The following KRT86 variants were observed in gnomAD, a reference collection of about 807,000 sequenced individuals.
KRT86 encodes the protein keratin 86.
A neutral mutation model predicts 41.2 loss-of-function variants in KRT86; 30 were observed. The observed-to-expected ratio is 0.73, with a 90% confidence interval of 0.54 to 0.99. The LOEUF is 0.99. KRT86 is among the 50% of genes least tolerant of loss of function. KRT86 has a pLI of 0.00. For synonymous variants in KRT86, 238 were observed against 238.1 expected (o/e 1.00, Z 0.00); for missense variants, 561 against 571.4 (o/e 0.98, Z 0.19).
At chr12:52,288,427 T>C (rs778637855) in intron 2 of KRT86, 1 of 1,614,190 alleles carries the variant, frequency 6.2e-7, no homozygotes, top group South Asian at 1.1e-5. Flanking sequence ...CCTCCAGGTC[T>C]GACTTGCGGA....
At chr12:52,288,250 C>G (rs1002143505) in intron 2 of KRT86, 1 of 1,598,874 alleles carries the variant, frequency 6.3e-7, no homozygotes, top group Non-Finnish European at 8.6e-7. Flanking sequence ...ACCCTGCCCC[C>G]TCACACAGCC....
chr12:52,306,034 T>G (rs371574773), intron 8 of KRT86, 26 bp from the exon 9 acceptor site: 34 of 1,613,212 alleles, frequency 2.1e-5, no homozygotes, highest in Non-Finnish European at 2.7e-5. Context: ...GACTCTAATC[T>G]ACCTTGTTCT....
intron 2 of KRT86, among the ~76,000 whole-genome samples, chr12:52,284,636 A>G (rs1937868116): frequency 6.6e-6 from 1 of 152,210 alleles, no homozygotes; most frequent in Admixed American, 6.5e-5. Flanking sequence ...TCTAGCTTTT[A>G]CAGGAGAATT....
At chr12:52,297,720 C>G (rs1237427406) in intron 2 of KRT86, among the ~76,000 whole-genome samples, 1 of 152,194 alleles carries the variant, frequency 6.6e-6, no homozygotes, top group Non-Finnish European at 1.5e-5. Flanking sequence ...TAAGAAGTGT[C>G]TTTCTTTTAC....
intron 8 of KRT86, 98 bp downstream of exon 8, chr12:52,305,886 A>G: frequency 6.2e-7 from 1 of 1,606,534 alleles, no homozygotes; most frequent in Non-Finnish European, 8.5e-7. Flanking sequence ...TTCATTCTCC[A>G]GCCCCTCTGT....
chr12:52,278,070 C>T (rs558530890), intron 2 of KRT86, among the ~76,000 whole-genome samples: 78 of 152,238 alleles, frequency 5.1e-4, no homozygotes, highest in African/African-American at 1.8e-3. Flanking sequence ...CTCAACTCTG[C>T]CCCTCTCCCC....
chr12:52,275,620 T>C (rs1257295337), intron 1 of KRT86, among the ~76,000 whole-genome samples: 1 of 152,214 alleles, frequency 6.6e-6, no homozygotes, highest in East Asian at 1.9e-4. Context: ...TGGCATCTTC[T>C]GGCCCCATGG....
At chr12:52,287,987 G>C in intron 2 of KRT86, 1 of 1,614,174 alleles carries the variant, frequency 6.2e-7, no homozygotes, top group Non-Finnish European at 8.5e-7. Context: ...CACTCACCTT[G>C]CTGCGGTACC....
intron 2 of KRT86, chr12:52,277,699 G>A (rs114168191): frequency 0.017 from 2,539 of 153,308 alleles, 79 homozygotes; most frequent in African/African-American, 0.058. Flanking sequence ...ATTGCTGCCT[G>A]CCACAAGCTG....
In KRT86 at chr12:52,306,201, C is replaced by T. The variant is rs1172967272; in HGVS notation, c.1168C>T (p.Gln390Ter). ...CATGGCCTGCCTGATCAGGGAGTAC[C>T]AGGAGGTGATGAACTCCAAGCTGGG... ...QDMACLIREY[Q>*]EVMNSKLGLD... The change falls in exon 9 of 11, where the codon CAG becomes TAG. Residue 390 changes from glutamine (Q) to a stop codon, truncating the protein, a stop_gained. Coordinates refer to ENST00000423955, the MANE Select transcript of KRT86 (RefSeq NM_001320198.2). LOFTEE classifies it high-confidence loss of function. The T allele has an allele frequency of 6.2e-7, 1 of 1,613,798 alleles. No individual in the cohort carries two copies. The highest frequency in any genetic ancestry group is 8.5e-7 in the Non-Finnish European group (1 of 1,180,014).
chr12:52,275,224 T>C (rs779240788), intron 1 of KRT86: 8 of 152,136 alleles, frequency 5.3e-5, no homozygotes, highest in Admixed American at 4.6e-4. Context: ...TATTCGTGTA[T>C]TGAATGCACA....
At chr12:52,279,356 C>A (rs1451441651) in intron 2 of KRT86, among the ~76,000 whole-genome samples, 1 of 152,210 alleles carries the variant, frequency 6.6e-6, no homozygotes, top group East Asian at 1.9e-4. Flanking sequence ...CCTCCCACAC[C>A]GGGACGTGAG....
In KRT86 at chr12:52,306,133, A is replaced by G; in HGVS notation, c.1100A>G (p.Lys367Arg). The stretch of plus-strand genomic sequence containing the variant: ...GCGGCCCTCAGCGATGCCCGCTGCA[A>G]GTTGGCCGAGCTGGAGGGTGCCCTG... ...GEAALSDARC[K>R]LAELEGALQK... The change falls in exon 9 of 11, where the codon AAG (lysine) becomes AGG (arginine). Residue 367 changes from lysine (K) to arginine (R), a missense_variant. Lys to Arg is a conservative substitution (Grantham distance 26, BLOSUM62 2). Around this residue, in one of 3 missense-constraint regions of KRT86, gnomAD observed 397 missense variants for 375.9 expected, o/e 1.06. Transcript: ENST00000423955. 2 of 1,613,974 alleles carry G rather than the reference A, an allele frequency of 1.2e-6. No individual in the cohort carries two copies. The highest frequency in any genetic ancestry group is 2.2e-5 in the East Asian group (1 of 44,856).
intron 2 of KRT86, chr12:52,287,576 T>G (rs374466621): frequency 3.1e-6 from 5 of 1,613,932 alleles, no homozygotes; most frequent in Non-Finnish European, 3.4e-6. Flanking sequence ...TCTCTGACCT[T>G]GCGCACAGAT....
intron 2 of KRT86, chr12:52,286,450 G>T (rs371671670): frequency 5.2e-6 from 8 of 1,552,846 alleles, no homozygotes; most frequent in Admixed American, 2.0e-5. Context: ...AGCCTGACAC[G>T]CAGAGGTCCC....
Position 52,285,716 on chromosome 12 carries a change from T to C in KRT86, c.-5+9770T>C, listed in dbSNP as rs545327137. Among the ~76,000 whole-genome samples, 8 of 152,306 alleles carry C rather than the reference T, an allele frequency of 5.3e-5. 2 individuals are homozygous for C. Among genetic ancestry groups the C allele is most frequent in the African/African-American group, 1.7e-4 (7 of 41,580 alleles). Reference sequence around the variant, plus strand: ...CTTCTTCATCTGCAAGGTGTATCATTAGGGTTGTGTGGATAAAGTTACATC... The same window carrying C: ...CTTCTTCATCTGCAAGGTGTATCATCAGGGTTGTGTGGATAAAGTTACATC... On this transcript the variant is annotated intron_variant, in intron 2 of 10. Coordinates refer to ENST00000423955, the MANE Select transcript of KRT86 (RefSeq NM_001320198.2).
At chr12:52,279,353 C>T (rs1937716917) in intron 2 of KRT86, among the ~76,000 whole-genome samples, 1 of 152,226 alleles carries the variant, frequency 6.6e-6, no homozygotes, top group African/African-American at 2.4e-5. Flanking sequence ...TTGCCTCCCA[C>T]ACCGGGACGT....
intron 2 of KRT86, among the ~76,000 whole-genome samples, chr12:52,301,455 T>A (rs1380297129): frequency 6.6e-6 from 1 of 151,814 alleles, no homozygotes; most frequent in Non-Finnish European, 1.5e-5. Context: ...CTCCCAACAT[T>A]CCTGGCTAGT....
intron 2 of KRT86, among the ~76,000 whole-genome samples, chr12:52,281,721 T>C (rs1027346680): frequency 1.3e-5 from 2 of 152,166 alleles, no homozygotes; most frequent in African/African-American, 4.8e-5. Flanking sequence ...AAGATTCTTT[T>C]TTTCCTTCTT....
Sources: gnomAD v4.1 joint callset for allele counts (sites outside exome capture counted in the v4.1 genomes callset) on GRCh38, gnomAD v4.1.1 for gene constraint, gnomAD v4.1.1 regional missense constraint, MANE v1.5 for transcripts, NCBI Gene and HGNC (gene_info 2026-07-23, HGNC 2026-07-21) for gene names.